DCC: variants seen among roughly 807,000 people sequenced by gnomAD.
DCC encodes DCC netrin 1 receptor.
Under a neutral mutation model 172.5 loss-of-function variants are expected in DCC, and 58 were observed. The observed-to-expected ratio is 0.34, with a 90% CI of 0.27 to 0.42. The LOEUF (loss-of-function observed/expected upper bound fraction) is 0.42, where lower values mean the gene tolerates loss of function less well. Among genes scored for constraint, DCC ranks in the 10% least tolerant of loss-of-function variants. DCC has a pLI of 1.00. For synonymous variants in DCC, 709 were observed against 644.5 expected, an observed-to-expected ratio of 1.10 and a Z score of -1.52; for missense variants, 1,740 against 1,791.0, an observed-to-expected ratio of 0.97 and a Z score of 0.51.
intron 8 of DCC, among the ~76,000 whole-genome samples, chr18:53,166,548 A>T (rs1255486490): frequency 6.6e-6 from 1 of 152,172 alleles, no homozygotes; most frequent in Non-Finnish European, 1.5e-5. Context: ...AGAATTTGAA[A>T]TCAAAATCTG....
chr18:52,879,620 C>T lies in DCC; in HGVS notation c.413-26424C>T, dbSNP rs138607371. ...GTAATTGTTTTACTTTTAGTAGAGA[C>T]GGGATTTCACCATATTGGCCAGGAT... On this transcript the variant is annotated intron_variant, in intron 2 of 28. Transcript: ENST00000442544. 5.9e-5 allele frequency among the ~76,000 whole-genome samples: 9 copies of T among 151,594 alleles called. No individual in the cohort carries two copies. In the East Asian group the frequency reaches 1.4e-3, roughly 23 times the overall value.
At chr18:52,397,237 G>C (rs1434457397) in intron 1 of DCC, among the ~76,000 whole-genome samples, 1 of 151,898 alleles carries the variant, frequency 6.6e-6, no homozygotes, top group Admixed American at 6.6e-5. Flanking sequence ...AATATTCTGG[G>C]GAAGAGCTCC....
chr18:53,325,224 A>G (rs762931179), intron 14 of DCC, among the ~76,000 whole-genome samples: 14 of 138,554 alleles, frequency 1.0e-4, no homozygotes, highest in Admixed American at 5.8e-4. Flanking sequence ...AAAAAGTTTT[A>G]TGCTTTGAGG....
intron 1 of DCC, among the ~76,000 whole-genome samples, chr18:52,613,476 T>C (rs1162831003): frequency 2.0e-5 from 3 of 152,210 alleles, no homozygotes; most frequent in Admixed American, 6.5e-5. Context: ...AGGATGGTCT[T>C]GATCTCCTGA....
intron 27 of DCC, among the ~76,000 whole-genome samples, chr18:53,514,582 A>G (rs553419555): frequency 1.3e-5 from 2 of 152,310 alleles, no homozygotes; most frequent in East Asian, 3.9e-4. Context: ...AGAGAGAAGA[A>G]TCAAATAGAC....
At chr18:53,000,035 A>G (rs1343891665) in intron 5 of DCC, among the ~76,000 whole-genome samples, 1 of 151,984 alleles carries the variant, frequency 6.6e-6, no homozygotes, top group African/African-American at 2.4e-5. Context: ...ACCACCAATT[A>G]AGAGCTAGGA....
chr18:52,749,592 C>T (rs1390233229), intron 1 of DCC, among the ~76,000 whole-genome samples: 1 of 152,158 alleles, frequency 6.6e-6, no homozygotes, highest in Non-Finnish European at 1.5e-5. Context: ...GTACAAAAAG[C>T]TCAAATTGCC....
chr18:52,518,941 A>C (rs2031724034), intron 1 of DCC, among the ~76,000 whole-genome samples: 1 of 152,188 alleles, frequency 6.6e-6, no homozygotes, highest in Non-Finnish European at 1.5e-5. Context: ...GTCCTGATTA[A>C]TTTGTAACCC....
chr18:53,187,010 C>G (rs910703708), intron 9 of DCC, among the ~76,000 whole-genome samples: 4 of 152,082 alleles, frequency 2.6e-5, no homozygotes, highest in Non-Finnish European at 4.4e-5. Context: ...ATGGCCTAAT[C>G]ATCTTTTAAA....
At chr18:53,450,765 T>C (rs965784884) in intron 23 of DCC, 103 bp downstream of exon 23, 2 of 987,636 alleles carry the variant, frequency 2.0e-6, no homozygotes, top group African/African-American at 1.6e-5. Context: ...CCCCATGTCC[T>C]TACTTCCTAA....
chr18:53,027,603 C>T (rs4940235), intron 5 of DCC, among the ~76,000 whole-genome samples: 15 of 151,802 alleles, frequency 9.9e-5, no homozygotes, highest in African/African-American at 3.4e-4. Context: ...TAAAACATTT[C>T]GGTATGTCCA....
At chr18:53,446,124 A>AAAAAAACAC (rs369426007) in intron 22 of DCC, among the ~76,000 whole-genome samples, 2 of 117,174 alleles carry the variant, frequency 1.7e-5, no homozygotes, top group African/African-American at 2.8e-5. Context: ...ACAAAAAAAA[A>AAAAAAACAC]CACTTAAAAA....
At chr18:53,174,284 G>A (rs1286697261) in intron 8 of DCC, among the ~76,000 whole-genome samples, 1 of 144,300 alleles carries the variant, frequency 6.9e-6, no homozygotes, top group Non-Finnish European at 1.5e-5. Context: ...AAAAGCAAGA[G>A]CAAACACATT....
intron 12 of DCC, among the ~76,000 whole-genome samples, chr18:53,274,098 A>C (rs1349703024): frequency 6.6e-6 from 1 of 152,130 alleles, no homozygotes; most frequent in Non-Finnish European, 1.5e-5. Flanking sequence ...ACAGGAGGAA[A>C]CTATGCTACC....
At chr18:52,504,766 G>C (rs1221996) in intron 1 of DCC, among the ~76,000 whole-genome samples, 1 of 151,030 alleles carries the variant, frequency 6.6e-6, no homozygotes, top group Non-Finnish European at 1.5e-5. Context: ...CCTTTGTGCC[G>C]CCCCTCCCCC....
intron 12 of DCC, among the ~76,000 whole-genome samples, chr18:53,291,218 G>A (rs2057001123): frequency 6.6e-6 from 1 of 151,846 alleles, no homozygotes; most frequent in African/African-American, 2.4e-5. Flanking sequence ...TAAAAATTAT[G>A]TCATTTTTTT....
intron 1 of DCC, among the ~76,000 whole-genome samples, chr18:52,711,232 G>C (rs760767486): frequency 6.6e-5 from 10 of 151,956 alleles, no homozygotes; most frequent in Non-Finnish European, 1.0e-4. Context: ...TTATTTATTT[G>C]TTTTTTTATT....
chr18:53,017,725 A>G lies in DCC; in HGVS notation c.986-45580A>G, dbSNP rs905621391. On this transcript the variant is annotated intron_variant, in intron 5 of 28. Coordinates refer to ENST00000442544, the MANE Select transcript of DCC (RefSeq NM_005215.4). ...GTAATTTTCTAAAATAAAATCTAAT[A>G]TAATAGTCTCAGATCTCCTAAAATT... Among the ~76,000 whole-genome samples, 6 of 152,224 alleles carry G rather than the reference A, an allele frequency of 3.9e-5. No individual in the cohort carries two copies. The East Asian group carries it at 5.8e-4, about 15-fold the overall frequency.
At chr18:53,027,856 C>T (rs891730631) in intron 5 of DCC, among the ~76,000 whole-genome samples, 2 of 151,746 alleles carry the variant, frequency 1.3e-5, no homozygotes, top group Non-Finnish European at 2.9e-5. Flanking sequence ...CTCTGAGAAT[C>T]TGGCCAAGGG....
Sources: gnomAD v4.1 joint callset for allele counts (sites outside exome capture counted in the v4.1 genomes callset) on GRCh38, gnomAD v4.1.1 for gene constraint, MANE v1.5 for transcripts, NCBI Gene and HGNC (gene_info 2026-07-23, HGNC 2026-07-21) for gene names.